IMMT: variants seen among roughly 807,000 people sequenced by gnomAD.
The protein encoded by IMMT is MICOS complex subunit MIC60.
A neutral mutation model predicts 92.7 loss-of-function variants in IMMT; 40 were observed. The ratio of observed to expected loss-of-function variants is 0.43; its 90% CI spans 0.34 to 0.56. The LOEUF (loss-of-function observed/expected upper bound fraction) is 0.56. IMMT is among the 20% of genes least tolerant of loss of function. IMMT has a pLI of 0.03. For missense variants in IMMT, 831 were observed against 912.1 expected (o/e 0.91, Z 1.14); for synonymous variants, 322 against 336.1 (o/e 0.96, Z 0.46).
At chr2:86,164,005 T>G (rs1343439462) in intron 7 of IMMT, among the ~76,000 whole-genome samples, 1 of 149,358 alleles carries the variant, frequency 6.7e-6, no homozygotes, top group South Asian at 2.1e-4. Flanking sequence ...GTATATCTTA[T>G]GATGCGAAAA....
At position 86,170,746 on chromosome 2, in the gene IMMT, T is replaced by A; in HGVS notation, c.655+3A>T. ...TCCTTAAGAAGCTGTCTGGTTTACA[T>A]ACACTCAATTTTAACTTGTTCTTGT... On this transcript the variant is annotated splice_donor_region_variant and intron_variant, in intron 6 of 14. Transcript: ENST00000410111. 4 of 1,564,974 alleles carry A rather than the reference T, an allele frequency of 2.6e-6. No individual in the cohort carries two copies. The highest frequency in any genetic ancestry group is 3.5e-6 in the Non-Finnish European group (4 of 1,151,608).
At chr2:86,161,657 G>T (rs917521894) in intron 8 of IMMT, among the ~76,000 whole-genome samples, 6 of 151,590 alleles carry the variant, frequency 4.0e-5, no homozygotes, top group Admixed American at 3.9e-4. Flanking sequence ...GGGACTACAG[G>T]CGCCCGCCAC....
chr2:86,165,579 C>T (rs745792875), intron 7 of IMMT, among the ~76,000 whole-genome samples: 28 of 152,150 alleles, frequency 1.8e-4, no homozygotes, highest in Middle Eastern at 3.4e-3. Context: ...TGATCCTGAT[C>T]CTTAAGATTA....
At chr2:86,166,478 A>G in intron 7 of IMMT, 30 bp downstream of exon 7, 1 of 1,577,378 alleles carries the variant, frequency 6.3e-7, no homozygotes, top group Non-Finnish European at 8.6e-7. Context: ...CATGACAGCC[A>G]GAACACTTCT....
At chr2:86,156,048 C>A (rs6547660) in intron 10 of IMMT, among the ~76,000 whole-genome samples, 65,273 of 152,034 alleles carry the variant, frequency 0.43, 14,878 homozygotes, top group Non-Finnish European at 0.51. Flanking sequence ...CCTTCATTTT[C>A]TACATGGCCC....
At chr2:86,167,611 A>C (rs1676806085) in intron 6 of IMMT, among the ~76,000 whole-genome samples, 1 of 150,564 alleles carries the variant, frequency 6.6e-6, no homozygotes, top group African/African-American at 2.5e-5. Flanking sequence ...CAGCCTCCTG[A>C]GTAGCTGGGA....
intron 8 of IMMT, 120 bp from the exon 9 acceptor site, chr2:86,159,791 A>G (rs1573899024): frequency 1.2e-6 from 1 of 802,392 alleles, no homozygotes; most frequent in South Asian, 2.8e-5. Context: ...GCAGTGGCTG[A>G]TACCTGTAAT....
At position 86,166,551 on chromosome 2, in the gene IMMT, T is replaced by C. The variant is rs372811833; in HGVS notation, c.749A>G (p.Asn250Ser). ...GGCTTTCAATATGTTGGAGTGTGCA[T>C]TGACAGCCTGGACCGCAGCATTCTG... is the stretch of plus-strand genomic sequence containing the variant. ...AAQNAAVQAV[N>S]AHSNILKAAM... Residue 250 changes from asparagine to serine, a missense_variant, in exon 7 of 15, where the codon AAT (asparagine) becomes AGT (serine). Asn to Ser is a conservative substitution (Grantham distance 46). Coordinates refer to ENST00000410111, the MANE Select transcript of IMMT (RefSeq NM_006839.3). 7 of 1,613,114 alleles carry C rather than the reference T, an allele frequency of 4.3e-6. No homozygotes were observed. Among genetic ancestry groups the C allele is most frequent in the African/African-American group, 2.7e-5 (2 of 74,850 alleles).
At chr2:86,182,455 CTAAT>C (rs1672493574) in intron 1 of IMMT, among the ~76,000 whole-genome samples, 1 of 152,170 alleles carries the variant, frequency 6.6e-6, no homozygotes, top group Non-Finnish European at 1.5e-5. Context: ...AAACAGCTAA[CTAAT>C]GCAGTCATAC....
intron 4 of IMMT, 121 bp from the exon 5 acceptor site, chr2:86,171,466 G>T: frequency 1.2e-6 from 1 of 858,692 alleles, no homozygotes. Flanking sequence ...ACAAATATTT[G>T]TACTGCCACA....
At chr2:86,173,479 C>T in intron 4 of IMMT, 171 bp downstream of exon 4, 1 of 533,260 alleles carries the variant, frequency 1.9e-6, no homozygotes, top group African/African-American at 1.9e-5. Context: ...ACTCAGGAGT[C>T]TGAGGCAGGA....
Position 86,171,338 on chromosome 2 carries a change from T to C in IMMT, c.429A>G (p.Thr143=), listed in dbSNP as rs1023960066. The stretch of plus-strand genomic sequence containing the variant: ...CTGCAGAAATAATTTGAGCCGCTTC[T>C]GTAGGTGCTATAAATATATGTTACT... The part of the protein sequence containing the change: ...GDTPASATAP[T]EAAQIISAAG... Residue 143 remains threonine, a synonymous_variant, in exon 5 of 15, where the codon ACA becomes ACG. Transcript: ENST00000410111. The C allele has an allele frequency of 1.2e-6, 2 of 1,611,054 alleles. No homozygotes were observed. Among genetic ancestry groups the C allele is most frequent in the Admixed American group, 1.7e-5 (1 of 59,626 alleles).
At chr2:86,179,315 A>G (rs6547663) in intron 3 of IMMT, 118 bp downstream of exon 3, 362,455 of 765,646 alleles carry the variant, frequency 0.47, 88,782 homozygotes, top group Non-Finnish European at 0.51. Flanking sequence ...TTGTATCCAC[A>G]GGAGGTCCTG....
At chr2:86,192,979 T>C (rs746994501) in intron 1 of IMMT, 14 of 154,112 alleles carry the variant, frequency 9.1e-5, no homozygotes, top group Non-Finnish European at 1.9e-4. Flanking sequence ...TGATGCGATG[T>C]CTCCAAAGAG....
Position 86,165,321 on chromosome 2 carries a change from A to G in IMMT, c.792+1187T>C, listed in dbSNP as rs566969105. On this transcript the variant is annotated intron_variant, in intron 7 of 14. Transcript: ENST00000410111. ...TAGCCTTCCCATATCGGTAACCAGC[A>G]AATTAAATTTCCTGGGTGGTTTCCA... Among the ~76,000 whole-genome samples, 10 of 152,334 alleles carry G rather than the reference A, an allele frequency of 6.6e-5. 1 individual carries two copies. In the South Asian group the frequency reaches 2.1e-3, roughly 32 times the overall value.
chr2:86,146,244 A>C lies in IMMT; in HGVS notation c.1534-47T>G, dbSNP rs368117007. Reference sequence around the variant, plus strand: ...TCCAGAAAAAAGTGATACTCAATGCATGTCATGTAACTGTGTAATCTTCCA... The same window carrying C: ...TCCAGAAAAAAGTGATACTCAATGCCTGTCATGTAACTGTGTAATCTTCCA... On this transcript the variant is annotated intron_variant, in intron 13 of 14. Transcript: ENST00000410111. 124 of 1,553,482 alleles carry C rather than the reference A, an allele frequency of 8.0e-5. No individual in the cohort carries two copies. The African/African-American group carries it at 1.5e-3, about 19-fold the overall frequency.
intron 6 of IMMT, among the ~76,000 whole-genome samples, chr2:86,167,484 GTTTTTTTTTT>G (rs66768832): frequency 8.1e-6 from 1 of 123,168 alleles, no homozygotes; most frequent in South Asian, 2.7e-4. Flanking sequence ...TTTGTTTTTT[GTTTTTTTTTT>G]TTTTTTTGGA....
chr2:86,168,951 C>T (rs1676908685), intron 6 of IMMT, among the ~76,000 whole-genome samples: 1 of 152,200 alleles, frequency 6.6e-6, no homozygotes, highest in African/African-American at 2.4e-5. Flanking sequence ...TTGTGAACCA[C>T]TTTATGGAGG....
Position 86,144,271 on chromosome 2 carries a change from C to A in IMMT, c.2274G>T (p.Glu758Asp). 6.2e-7 allele frequency: 1 copy of A among 1,613,480 alleles called. No homozygotes were observed. Among genetic ancestry groups the A allele is most frequent in the Non-Finnish European group, 8.5e-7 (1 of 1,179,470 alleles). Residue 758 changes from glutamate (E) to aspartate (D), a missense_variant, in exon 15 of 15, where the codon GAG (glutamate) becomes GAT (aspartate). By Grantham distance (45) the Glu-to-Asp change is conservative. Coordinates refer to ENST00000410111, the MANE Select transcript of IMMT (RefSeq NM_006839.3). ...VGIGTTQVQP[E>D] ...TTTATGAAAATCTTCCTAAACCTCA[C>A]TCTGGCTGCACCTGAGTGGTTCCTA...
Sources: gnomAD v4.1 joint callset for allele counts (sites outside exome capture counted in the v4.1 genomes callset) on GRCh38, gnomAD v4.1.1 for gene constraint, MANE v1.5 for transcripts, NCBI Gene and HGNC (gene_info 2026-07-23, HGNC 2026-07-21) for gene names.